The following MACROD2 variants were observed in gnomAD, a reference collection of about 807,000 sequenced individuals.
MACROD2 encodes ADP-ribose glycohydrolase MACROD2.
Under a neutral mutation model 70.4 loss-of-function variants are expected in MACROD2, and 36 were observed. The observed-to-expected ratio is 0.51, with a 90% CI of 0.39 to 0.68. MACROD2 has a LOEUF of 0.68. Ranked by LOEUF, MACROD2 falls within the 30% of genes least tolerant of loss-of-function variation. The pLI, the probability that MACROD2 is intolerant of heterozygous loss-of-function variation, is 0.00. For synonymous variants in MACROD2, 172 were observed against 178.8 expected (o/e 0.96, Z 0.30); for missense variants, 496 against 538.4 (o/e 0.92, Z 0.78).
At chr20:15,449,734 C>T (rs567709719) in intron 7 of MACROD2, among the ~76,000 whole-genome samples, 5 of 151,910 alleles carry the variant, frequency 3.3e-5, no homozygotes, top group Admixed American at 6.6e-5. Context: ...GTCTCATGCC[C>T]GTAATCCCAG....
intron 3 of MACROD2, among the ~76,000 whole-genome samples, chr20:14,199,960 T>G (rs1386138709): frequency 6.6e-6 from 1 of 152,224 alleles, no homozygotes; most frequent in Non-Finnish European, 1.5e-5. Flanking sequence ...TTATGTAGTT[T>G]CTTATGGTAT....
intron 5 of MACROD2, among the ~76,000 whole-genome samples, chr20:14,909,206 T>C (rs1337153322): frequency 1.3e-5 from 2 of 152,166 alleles, no homozygotes; most frequent in South Asian, 2.1e-4. Flanking sequence ...CTTAACTCTC[T>C]TGTTAACTAC....
chr20:14,256,342 T>C (rs964564612), intron 3 of MACROD2, among the ~76,000 whole-genome samples: 2 of 152,216 alleles, frequency 1.3e-5, no homozygotes, highest in African/African-American at 4.8e-5. Flanking sequence ...AGTTCATGAC[T>C]GATAACTCTA....
intron 5 of MACROD2, among the ~76,000 whole-genome samples, chr20:14,940,832 C>G (rs1197574531): frequency 6.6e-6 from 1 of 152,094 alleles, no homozygotes; most frequent in Non-Finnish European, 1.5e-5. Flanking sequence ...CTATGTTAAT[C>G]AGTGACATTG....
chr20:15,276,217 G>GTAGA (rs1568685851), intron 6 of MACROD2, among the ~76,000 whole-genome samples: 1 of 151,938 alleles, frequency 6.6e-6, no homozygotes, highest in African/African-American at 2.4e-5. Context: ...TGGCTAACAC[G>GTAGA]GTGAAACCCC....
At chr20:15,286,663 A>C (rs2146098838) in intron 6 of MACROD2, among the ~76,000 whole-genome samples, 1 of 152,286 alleles carries the variant, frequency 6.6e-6, no homozygotes, top group South Asian at 2.1e-4. Flanking sequence ...AGTGGGGTGA[A>C]GTAAGGTCGC....
chr20:15,983,214 G>T (rs1185892453), intron 13 of MACROD2, among the ~76,000 whole-genome samples: 2 of 152,124 alleles, frequency 1.3e-5, no homozygotes, highest in African/African-American at 2.4e-5. Context: ...AATTGATCTG[G>T]TATTCCTTGT....
At chr20:15,172,409 CTTTTT>C (rs1420662321) in intron 5 of MACROD2, among the ~76,000 whole-genome samples, 4 of 152,126 alleles carry the variant, frequency 2.6e-5, no homozygotes, top group African/African-American at 9.7e-5. Flanking sequence ...CTTCTCTTTC[CTTTTT>C]TATTTTAGAG....
chr20:14,240,526 C>A (rs780572442), intron 3 of MACROD2, among the ~76,000 whole-genome samples: 5 of 152,136 alleles, frequency 3.3e-5, no homozygotes, highest in Non-Finnish European at 7.4e-5. Context: ...TGGATGAGAT[C>A]ATGTCCTTTG....
intron 3 of MACROD2, among the ~76,000 whole-genome samples, chr20:14,173,127 T>G (rs1223496876): frequency 1.3e-5 from 2 of 152,208 alleles, no homozygotes; most frequent in African/African-American, 2.4e-5. Flanking sequence ...GTGATGATCT[T>G]TTTGCGATAA....
chr20:15,149,454 A>C (rs973674329), intron 5 of MACROD2, among the ~76,000 whole-genome samples: 14 of 148,596 alleles, frequency 9.4e-5, no homozygotes, highest in Middle Eastern at 3.4e-3. Context: ...AGATGCAGTC[A>C]TAGGGGTCAG....
intron 8 of MACROD2, among the ~76,000 whole-genome samples, chr20:15,831,456 C>T (rs146585930): frequency 6.6e-6 from 1 of 152,276 alleles, no homozygotes; most frequent in East Asian, 1.9e-4. Flanking sequence ...GCATGTGTCT[C>T]CCTGGCTTGA....
At chr20:15,725,110 A>T (rs2146940808) in intron 8 of MACROD2, among the ~76,000 whole-genome samples, 1 of 152,276 alleles carries the variant, frequency 6.6e-6, no homozygotes, top group Middle Eastern at 3.4e-3. Context: ...AACAAAAAAA[A>T]ATCTATAGAA....
intron 4 of MACROD2, among the ~76,000 whole-genome samples, chr20:14,519,349 G>T (rs1304019721): frequency 6.6e-6 from 1 of 152,116 alleles, no homozygotes; most frequent in African/African-American, 2.4e-5. Context: ...AATAAGATCA[G>T]AATGTGTAGG....
rs143846773 is a variant in MACROD2, at chr20:15,472,445, TCTC to T, written c.572-27326_572-27324del. Reference sequence around the variant, plus strand: ...TTTTCAAGTGAATTCAGTTTGGACATCTCCTTCATTTGTTTCACTGGCCTCAGA... The same window carrying T: ...TTTTCAAGTGAATTCAGTTTGGACATCTTCATTTGTTTCACTGGCCTCAGA... On this transcript the variant is annotated intron_variant, in intron 7 of 17. Transcript: ENST00000684519. Among the ~76,000 whole-genome samples, 1,091 of 152,180 alleles carry T rather than the reference TCTC, an allele frequency of 7.2e-3. 13 individuals carry two copies. The highest frequency in any genetic ancestry group is 0.024 in the African/African-American group (1,012 of 41,522).
At chr20:15,552,110 A>G (rs1322437177) in intron 8 of MACROD2, 1 of 152,122 alleles carries the variant, frequency 6.6e-6, no homozygotes, top group Non-Finnish European at 1.5e-5. Flanking sequence ...GTAGGAACAC[A>G]TGTTTTCCTC....
intron 5 of MACROD2, among the ~76,000 whole-genome samples, chr20:14,726,152 C>T (rs2071527518): frequency 6.6e-6 from 1 of 152,150 alleles, no homozygotes; most frequent in African/African-American, 2.4e-5. Context: ...ACCAATGGCT[C>T]AGTAATTCTC....
At chr20:15,744,844 T>C in intron 8 of MACROD2, among the ~76,000 whole-genome samples, 1 of 152,270 alleles carries the variant, frequency 6.6e-6, no homozygotes, top group Non-Finnish European at 1.5e-5. Flanking sequence ...TTTTATTTAT[T>C]TTTATTATAC....
In MACROD2 at chr20:15,743,395, G is replaced by A. The variant is rs138343942; in HGVS notation, c.646-119350G>A. Among the ~76,000 whole-genome samples the A allele has an allele frequency of 2.0e-3, 304 of 152,246 alleles. 3 individuals are homozygous for A. The highest frequency in any genetic ancestry group is 6.9e-3 in the African/African-American group (288 of 41,534). On this transcript the variant is annotated intron_variant, in intron 8 of 17. Transcript: ENST00000684519. ...GGAAGTGATACAAGTAGACATGGAG[G>A]TTACAGCTAGTTTGACGCAGCCTAG...
Sources: allele counts gnomAD v4.1 joint callset (sites outside exome capture counted in the v4.1 genomes callset), GRCh38; gene constraint gnomAD v4.1.1; transcripts MANE v1.5; gene names NCBI Gene and HGNC (gene_info 2026-07-23, HGNC 2026-07-21).